PDZD8: variants seen among roughly 807,000 people sequenced by gnomAD.
PDZD8 encodes PDZ domain-containing protein 8.
A neutral mutation model predicts 85.8 loss-of-function variants in PDZD8; 14 were observed. The ratio of observed to expected loss-of-function variants is 0.16; its 90% confidence interval spans 0.11 to 0.26. The LOEUF (loss-of-function observed/expected upper bound fraction) is 0.26. Ranked by LOEUF, PDZD8 falls within the 10% of genes least tolerant of loss-of-function variation. The probability of loss-of-function intolerance (pLI) is 1.00; values close to 1 mark genes in which losing one functional copy is unlikely to be tolerated. For missense variants in PDZD8, 1,197 were observed against 1,424.3 expected, an observed-to-expected ratio of 0.84 and a Z score of 2.57; for synonymous variants, 592 against 568.6, an observed-to-expected ratio of 1.04 and a Z score of -0.59.
chr10:117,358,714 C>T (rs1844942664), intron 1 of PDZD8, among the ~76,000 whole-genome samples: 1 of 152,140 alleles, frequency 6.6e-6, no homozygotes, highest in African/African-American at 2.4e-5. Context: ...AGCCTTGACA[C>T]CTTTGGCAAG....
intron 3 of PDZD8, among the ~76,000 whole-genome samples, chr10:117,310,557 C>A (rs1361107920): frequency 6.6e-6 from 1 of 152,144 alleles, no homozygotes; most frequent in East Asian, 1.9e-4. Flanking sequence ...CTACATCCCT[C>A]ATTTTTAATC....
At chr10:117,287,545 T>C (rs1844686703) in intron 4 of PDZD8, among the ~76,000 whole-genome samples, 1 of 152,196 alleles carries the variant, frequency 6.6e-6, no homozygotes, top group African/African-American at 2.4e-5. Flanking sequence ...CTGTCCTCAC[T>C]ACTATCAATC....
chr10:117,314,380 T>C (rs1844088534), intron 3 of PDZD8: 1 of 152,152 alleles, frequency 6.6e-6, no homozygotes, highest in South Asian at 2.1e-4. Context: ...AGGAGGTGAA[T>C]TCTTCAGGCT....
At chr10:117,285,767 C>G in intron 4 of PDZD8, 1 of 1,064,144 alleles carries the variant, frequency 9.4e-7, no homozygotes, top group Non-Finnish European at 1.1e-6. Context: ...CTTTCTATCT[C>G]TTCTTAGGTT....
At chr10:117,315,587 CAAAAAAAAAAAA>C (rs35866840) in intron 3 of PDZD8, among the ~76,000 whole-genome samples, 2 of 42,108 alleles carry the variant, frequency 4.7e-5, no homozygotes, top group African/African-American at 1.6e-4. Flanking sequence ...TAGACTCTCT[CAAAAAAAAAAAA>C]AAAAAAAAAA....
chr10:117,355,067 A>G (rs1844869556), intron 1 of PDZD8, among the ~76,000 whole-genome samples: 1 of 152,212 alleles, frequency 6.6e-6, no homozygotes, highest in African/African-American at 2.4e-5. Flanking sequence ...TGTGTTGGTA[A>G]ATTATGAATC....
chr10:117,306,077 T>C (rs1234311868), intron 3 of PDZD8, among the ~76,000 whole-genome samples: 1 of 152,158 alleles, frequency 6.6e-6, no homozygotes, highest in Non-Finnish European at 1.5e-5. Context: ...GAAGATTTCT[T>C]TCTGGATGAA....
chr10:117,329,646 CAAAGA>C (rs1004244602), intron 2 of PDZD8, among the ~76,000 whole-genome samples: 41 of 151,984 alleles, frequency 2.7e-4, no homozygotes, highest in African/African-American at 9.4e-4. Context: ...GTCATTTCTA[CAAAGA>C]AAAGTACAAA....
chr10:117,290,864 C>CTTT lies in PDZD8; in HGVS notation c.1099-519_1099-517dup, dbSNP rs145614241. Among the ~76,000 whole-genome samples the CTTT allele has an allele frequency of 3.9e-3, 477 of 123,408 alleles. 7 individuals are homozygous for CTTT. The highest frequency in any genetic ancestry group is 6.5e-3 in the African/African-American group (195 of 30,078). The allele number at this position is 123,408 out of a possible 152,430, so 81.0% of individuals were successfully genotyped here. On this transcript the variant is annotated intron_variant, in intron 3 of 4. Coordinates refer to ENST00000334464, the MANE Select transcript of PDZD8 (RefSeq NM_173791.5). ...GAAACTCCATTTTGTATGGTGTATC[C>CTTT]TTTTTTTTTTTTTTTTTTTTTTTGA...
At chr10:117,309,841 A>C (rs1844005939) in intron 3 of PDZD8, among the ~76,000 whole-genome samples, 1 of 152,152 alleles carries the variant, frequency 6.6e-6, no homozygotes, top group Admixed American at 6.6e-5. Flanking sequence ...TATAGAATAA[A>C]GTACTTGTGG....
intron 2 of PDZD8, among the ~76,000 whole-genome samples, chr10:117,323,285 C>A (rs1034765735): frequency 2.6e-5 from 4 of 152,104 alleles, no homozygotes; most frequent in African/African-American, 7.2e-5. Context: ...AGATTCATTG[C>A]AAAAAGCTAA....
chr10:117,294,397 T>G (rs1202829047), intron 3 of PDZD8, among the ~76,000 whole-genome samples: 1 of 151,596 alleles, frequency 6.6e-6, no homozygotes, highest in Admixed American at 6.6e-5. Flanking sequence ...TCCTATACAC[T>G]GTTAGTGGGA....
chr10:117,347,930 T>C (rs1320022140), intron 1 of PDZD8, among the ~76,000 whole-genome samples: 1 of 152,168 alleles, frequency 6.6e-6, no homozygotes, highest in Non-Finnish European at 1.5e-5. Flanking sequence ...TGAGGGGTTA[T>C]TTAGGCCTGG....
At chr10:117,323,711 C>T (rs1844266497) in intron 2 of PDZD8, among the ~76,000 whole-genome samples, 1 of 152,168 alleles carries the variant, frequency 6.6e-6, no homozygotes, top group Non-Finnish European at 1.5e-5. Flanking sequence ...AGTGACCCAA[C>T]AAGACCTACC....
intron 3 of PDZD8, among the ~76,000 whole-genome samples, chr10:117,297,883 A>C (rs1398150450): frequency 6.6e-6 from 1 of 152,122 alleles, no homozygotes; most frequent in African/African-American, 2.4e-5. Flanking sequence ...AGCTACTAAA[A>C]GGAAAGCAAA....
In PDZD8 at chr10:117,375,009, GGCC is replaced by G; in HGVS notation, c.216_218del (p.Ala73del). 1 of 1,587,132 alleles carries G rather than the reference GGCC, an allele frequency of 6.3e-7. No homozygotes were observed. The highest frequency in any genetic ancestry group is 2.3e-5 in the East Asian group (1 of 43,510). ...CGGTGGGGGTCGCGCCGCCCTCAGGGGCCGCTCCGGAGGGCTCCTCATCCCGGC... is the reference window on the plus strand; with the variant it reads ...CGGTGGGGGTCGCGCCGCCCTCAGGGGCTCCGGAGGGCTCCTCATCCCGGC... On this transcript the variant is annotated inframe_deletion, in exon 1 of 5. Transcript: ENST00000334464.
At position 117,374,967 on chromosome 10, in the gene PDZD8, G is replaced by A. The variant is rs748403898; in HGVS notation, c.261C>T (p.Pro87=). 1.2e-6 allele frequency: 2 copies of A among 1,604,766 alleles called. No homozygotes were observed. The highest frequency in any genetic ancestry group is 3.4e-5 in the Admixed American group (2 of 58,998). ...AGCAAGTCTCCCGCGTCGGCGGGGCGGGGGTCTCGGGGGCCGCGGTGGGGG... is the reference window on the plus strand; with the variant it reads ...AGCAAGTCTCCCGCGTCGGCGGGGCAGGGGTCTCGGGGGCCGCGGTGGGGG... The part of the protein sequence containing the change: ...GATPTAAPET[P]APPTRETCYF... Residue 87 remains proline (P), a synonymous_variant, in exon 1 of 5, where the codon CCC becomes CCT. Coordinates refer to ENST00000334464, the MANE Select transcript of PDZD8 (RefSeq NM_173791.5). The surrounding 1 kb of genome is among the most constrained non-coding windows in gnomAD (Gnocchi z 7.8).
At chr10:117,346,293 T>C (rs1359366910) in intron 1 of PDZD8, among the ~76,000 whole-genome samples, 1 of 143,866 alleles carries the variant, frequency 7.0e-6, no homozygotes, top group East Asian at 2.1e-4. Context: ...AAATAGAGCA[T>C]ACCAATAAAG....
chr10:117,338,533 C>G (rs985455079), intron 2 of PDZD8, among the ~76,000 whole-genome samples: 1 of 152,140 alleles, frequency 6.6e-6, no homozygotes, highest in South Asian at 2.1e-4. Context: ...ATAAATAAAA[C>G]AACATAAACA....
Sources: gnomAD v4.1 joint callset for allele counts (sites outside exome capture counted in the v4.1 genomes callset) on GRCh38, gnomAD v4.1.1 for gene constraint, Gnocchi (gnomAD v3.1) non-coding constraint, MANE v1.5 for transcripts, NCBI Gene and HGNC (gene_info 2026-07-23, HGNC 2026-07-21) for gene names.